SPAG17: variants seen among roughly 807,000 people sequenced by gnomAD.
SPAG17 encodes sperm-associated antigen 17.
SPAG17 carries 169 observed loss-of-function variants against 273.6 expected under a neutral mutation model. The observed-to-expected ratio is 0.62, with a 90% confidence interval of 0.55 to 0.70. The LOEUF (loss-of-function observed/expected upper bound fraction) is 0.70. SPAG17 is among the 30% of genes least tolerant of loss of function. The pLI is 0.00. For missense variants in SPAG17, 2,557 were observed against 2,627.8 expected, an observed-to-expected ratio of 0.97 and a Z score of 0.59; for synonymous variants, 825 against 873.2, an observed-to-expected ratio of 0.94 and a Z score of 0.97.
chr1:118,170,966 G>T (rs1470647212), intron 1 of SPAG17, among the ~76,000 whole-genome samples: 1 of 152,144 alleles, frequency 6.6e-6, no homozygotes, highest in African/African-American at 2.4e-5. Context: ...TTTTTAAACT[G>T]GGAATTAACA....
At chr1:118,160,221 C>A (rs1200910046) in intron 1 of SPAG17, among the ~76,000 whole-genome samples, 1 of 152,186 alleles carries the variant, frequency 6.6e-6, no homozygotes, top group East Asian at 1.9e-4. Flanking sequence ...AAGCACGAGA[C>A]CTTCTTTGAC....
At chr1:118,004,473 T>A (rs1283491572) in intron 32 of SPAG17, among the ~76,000 whole-genome samples, 1 of 152,198 alleles carries the variant, frequency 6.6e-6, no homozygotes, top group Non-Finnish European at 1.5e-5. Context: ...GCTTTGCCCA[T>A]TTCGAGCTTC....
chr1:118,152,444 C>T (rs999680158), intron 1 of SPAG17, among the ~76,000 whole-genome samples: 4 of 151,984 alleles, frequency 2.6e-5, no homozygotes, highest in South Asian at 2.1e-4. Context: ...ATCAGGTTGA[C>T]GACAAAACTA....
At chr1:118,075,098 C>T (rs1455029615) in intron 15 of SPAG17, among the ~76,000 whole-genome samples, 4 of 152,270 alleles carry the variant, frequency 2.6e-5, no homozygotes, top group Middle Eastern at 3.4e-3. Flanking sequence ...GAAAATGATA[C>T]GCTTTCACCA....
In SPAG17 at chr1:118,101,809, T is replaced by C. The variant is rs1225286302; in HGVS notation, c.565A>G (p.Asn189Asp). 1 of 1,614,076 alleles carries C rather than the reference T, an allele frequency of 6.2e-7. No homozygotes were observed. The highest frequency in any genetic ancestry group is 1.7e-4 in the Middle Eastern group (1 of 6,058). ...KGKGKDQPEA[N>D]APVKKTTQLK... ...TGGGTGGTCTTTTTCACTGGTGCATTTGCCTCAGGCTGATCCTTTCCCTTT... is the reference window on the plus strand; with the variant it reads ...TGGGTGGTCTTTTTCACTGGTGCATCTGCCTCAGGCTGATCCTTTCCCTTT... The change falls in exon 5 of 49, where the codon AAT (asparagine) becomes GAT (aspartate). Residue 189 changes from asparagine (N) to aspartate (D), a missense_variant. Transcript: ENST00000336338.
At chr1:118,077,761 A>G (rs1297566876) in intron 15 of SPAG17, among the ~76,000 whole-genome samples, 1 of 152,160 alleles carries the variant, frequency 6.6e-6, no homozygotes, top group Non-Finnish European at 1.5e-5. Context: ...AATCTACCCT[A>G]GTTAGAAGGA....
At chr1:118,143,551 C>T (rs976683432) in intron 3 of SPAG17, among the ~76,000 whole-genome samples, 1 of 151,234 alleles carries the variant, frequency 6.6e-6, no homozygotes, top group South Asian at 2.1e-4. Context: ...AGAAAAAAGC[C>T]AGCCAAAAAA....
At chr1:117,957,097 C>T in intron 48 of SPAG17, 3 of 1,600,426 alleles carry the variant, frequency 1.9e-6, no homozygotes, top group Non-Finnish European at 2.6e-6. Context: ...CTTGTGCTGC[C>T]TTTCTCTTAT....
intron 40 of SPAG17, 40 bp from the exon 41 acceptor site, chr1:117,984,822 A>G: frequency 7.6e-7 from 1 of 1,308,168 alleles, no homozygotes; most frequent in Non-Finnish European, 1.1e-6. Flanking sequence ...GAAGACATAG[A>G]ATATTTTAAA....
intron 1 of SPAG17, among the ~76,000 whole-genome samples, chr1:118,182,509 A>G (rs1660996212): frequency 6.6e-6 from 1 of 152,128 alleles, no homozygotes; most frequent in African/African-American, 2.4e-5. Context: ...TTTTTATCTT[A>G]TTGCCAATGT....
chr1:118,143,608 A>G (rs1658801718), intron 3 of SPAG17, among the ~76,000 whole-genome samples: 1 of 152,152 alleles, frequency 6.6e-6, no homozygotes, highest in Non-Finnish European at 1.5e-5. Context: ...AGCACACAAG[A>G]CTTGGAATAC....
intron 1 of SPAG17, among the ~76,000 whole-genome samples, chr1:118,177,744 C>A (rs1161341366): frequency 6.6e-6 from 1 of 151,960 alleles, no homozygotes; most frequent in Admixed American, 6.6e-5. Flanking sequence ...GATATAACAA[C>A]TAAGACCACA....
At chr1:118,166,071 C>T (rs572060706) in intron 1 of SPAG17, among the ~76,000 whole-genome samples, 316 of 152,266 alleles carry the variant, frequency 2.1e-3, no homozygotes, top group African/African-American at 7.3e-3. Flanking sequence ...AAGTCATATA[C>T]ATTTTTAGGA....
chr1:118,025,335 A>G lies in SPAG17; in HGVS notation c.3812T>C (p.Phe1271Ser). 3.7e-6 allele frequency: 6 copies of G among 1,613,532 alleles called. No homozygotes were observed. Among genetic ancestry groups the G allele is most frequent in the Non-Finnish European group, 5.1e-6 (6 of 1,179,740 alleles). Residue 1271 changes from phenylalanine to serine, a missense_variant, in exon 27 of 49, where the codon TTC becomes TCC. Coordinates refer to ENST00000336338, the MANE Select transcript of SPAG17 (RefSeq NM_206996.4). ...TGCGGGTGGCATCACCGTTTTATAG[A>G]ACTCATAGTGCTTCACCCTCTGGGG... ...SYPQRVKHYE[F>S]YKTVMPPAEQ...
intron 30 of SPAG17, among the ~76,000 whole-genome samples, chr1:118,011,974 T>C (rs542479077): frequency 2.0e-3 from 299 of 152,026 alleles, no homozygotes; most frequent in African/African-American, 6.8e-3. Flanking sequence ...TATATATATA[T>C]ATACACAATA....
chr1:118,046,768 C>A lies in SPAG17; in HGVS notation c.2815-4726G>T, dbSNP rs373050765. Among the ~76,000 whole-genome samples, 177 of 152,126 alleles carry A rather than the reference C, an allele frequency of 1.2e-3. 1 individual carries two copies. In the South Asian group the frequency reaches 0.036, roughly 31 times the overall value. On this transcript the variant is annotated intron_variant, in intron 20 of 48. Coordinates refer to ENST00000336338, the MANE Select transcript of SPAG17 (RefSeq NM_206996.4). ...TTTTAGTAACAAGAAAAATAGAATTCTTTTTTTGTGTGTGGGGGGAATAAC... is the reference window on the plus strand; with the variant it reads ...TTTTAGTAACAAGAAAAATAGAATTATTTTTTTGTGTGTGGGGGGAATAAC...
At chr1:118,010,977 A>G (rs1270606374) in intron 30 of SPAG17, among the ~76,000 whole-genome samples, 2 of 152,184 alleles carry the variant, frequency 1.3e-5, no homozygotes, top group Non-Finnish European at 2.9e-5. Context: ...GAAAAGCTCA[A>G]CATCACTGAA....
intron 17 of SPAG17, among the ~76,000 whole-genome samples, chr1:118,073,273 G>T (rs892834770): frequency 6.6e-6 from 1 of 152,164 alleles, no homozygotes; most frequent in African/African-American, 2.4e-5. Flanking sequence ...TCACTTAGCT[G>T]CCATGTTACC....
At chr1:118,153,221 A>G (rs1659483624) in intron 1 of SPAG17, among the ~76,000 whole-genome samples, 1 of 152,174 alleles carries the variant, frequency 6.6e-6, no homozygotes, top group Admixed American at 6.5e-5. Context: ...GGGAACTAAC[A>G]ATTATTGTGA....
Sources: gnomAD v4.1 joint callset for allele counts (sites outside exome capture counted in the v4.1 genomes callset) on GRCh38, gnomAD v4.1.1 for gene constraint, MANE v1.5 for transcripts, NCBI Gene and HGNC (gene_info 2026-07-23, HGNC 2026-07-21) for gene names.